Variants in PRELID2 observed in about 807,000 individuals in gnomAD.
The protein encoded by PRELID2 is PRELI domain-containing protein 2.
PRELID2 carries 25 observed loss-of-function variants against 28.4 expected under a neutral mutation model. The ratio of observed to expected loss-of-function variants is 0.88; its 90% CI spans 0.64 to 1.23. The LOEUF (loss-of-function observed/expected upper bound fraction) is 1.23. Among genes scored for constraint, PRELID2 ranks in the 50% most tolerant of loss-of-function variants. The probability of loss-of-function intolerance (pLI) is 0.00; values close to 1 mark genes in which losing one functional copy is unlikely to be tolerated. For synonymous variants in PRELID2, 76 were observed against 71.6 expected, an observed-to-expected ratio of 1.06 and a Z score of -0.31; for missense variants, 201 against 214.4, an observed-to-expected ratio of 0.94 and a Z score of 0.39.
chr5:145,507,457 G>C (rs942341719), intron 1 of PRELID2, among the ~76,000 whole-genome samples: 3 of 152,170 alleles, frequency 2.0e-5, no homozygotes, highest in African/African-American at 7.2e-5. Context: ...ACACAACTCA[G>C]TTAGTGGAGC....
the PRELID2 span, among the ~76,000 whole-genome samples, chr5:145,298,315 G>A: frequency 1.6e-4 from 25 of 151,968 alleles, no homozygotes; most frequent in Middle Eastern, 6.8e-3. Flanking sequence ...AAATAACGCC[G>A]CATATCTACA....
chr5:145,469,119 G>T (rs977322757), downstream of PRELID2, among the ~76,000 whole-genome samples: 1 of 152,102 alleles, frequency 6.6e-6, no homozygotes, highest in Non-Finnish European at 1.5e-5. Context: ...CTAAGTAGCA[G>T]CCCCTCTCTT....
the PRELID2 span, among the ~76,000 whole-genome samples, chr5:145,446,988 G>T: frequency 2.0e-5 from 3 of 151,762 alleles, no homozygotes; most frequent in African/African-American, 4.8e-5. Context: ...GGTGGAGGTT[G>T]CAGTGAGCTG....
At chr5:145,262,069 T>A in the PRELID2 span, among the ~76,000 whole-genome samples, 1 of 151,776 alleles carries the variant, frequency 6.6e-6, no homozygotes, top group Non-Finnish European at 1.5e-5. Flanking sequence ...GTCTCAGCAA[T>A]AGAATCAAAC....
At chr5:145,393,506 C>T in the PRELID2 span, among the ~76,000 whole-genome samples, 1 of 152,184 alleles carries the variant, frequency 6.6e-6, no homozygotes, top group Non-Finnish European at 1.5e-5. Context: ...GTAGGGCTGA[C>T]ACATGGTCTG....
At chr5:145,833,779 A>T (rs1251987567) in intron 1 of PRELID2, among the ~76,000 whole-genome samples, 2 of 152,190 alleles carry the variant, frequency 1.3e-5, no homozygotes, top group Non-Finnish European at 2.9e-5. Context: ...TCCGGGTTGC[A>T]TATGGAGTTC....
intron 2 of PRELID2, among the ~76,000 whole-genome samples, 186 bp downstream of exon 2, chr5:145,822,891 T>C (rs1754927167): frequency 6.6e-6 from 1 of 152,190 alleles, no homozygotes; most frequent in Admixed American, 6.5e-5. Flanking sequence ...GTGCTCTACC[T>C]GCCACACCTT....
At chr5:145,785,741 A>C (rs183748175) in intron 5 of PRELID2, among the ~76,000 whole-genome samples, 1 of 152,366 alleles carries the variant, frequency 6.6e-6, no homozygotes, top group East Asian at 1.9e-4. Context: ...AGATACGTGG[A>C]TTAGCTCAAA....
the PRELID2 span, among the ~76,000 whole-genome samples, chr5:145,415,345 A>T: frequency 2.6e-5 from 4 of 151,586 alleles, no homozygotes; most frequent in African/African-American, 9.7e-5. Flanking sequence ...GGTTAGTTAC[A>T]TATGTATACA....
At chr5:145,540,072 T>A (rs1460020921) in intron 1 of PRELID2, among the ~76,000 whole-genome samples, 1 of 151,916 alleles carries the variant, frequency 6.6e-6, no homozygotes, top group Non-Finnish European at 1.5e-5. Flanking sequence ...TATAGTGCCT[T>A]CTCTTTGATT....
chr5:145,641,249 C>T (rs769602908), intron 1 of PRELID2, among the ~76,000 whole-genome samples: 1 of 151,744 alleles, frequency 6.6e-6, no homozygotes, highest in African/African-American at 2.4e-5. Context: ...TTGTAATATA[C>T]CTAACTGGCA....
chr5:145,629,697 T>C (rs965462865), intron 1 of PRELID2, among the ~76,000 whole-genome samples: 3 of 152,152 alleles, frequency 2.0e-5, no homozygotes, highest in Non-Finnish European at 4.4e-5. Flanking sequence ...CTGCCCCTTT[T>C]TATAAATGAG....
the PRELID2 span, among the ~76,000 whole-genome samples, chr5:145,257,651 C>T: frequency 2.6e-5 from 4 of 152,080 alleles, no homozygotes; most frequent in African/African-American, 9.7e-5. Flanking sequence ...ACTGGTATAA[C>T]ATGCAAATAT....
chr5:145,472,826 C>G (rs34565985), intron 2 of PRELID2, among the ~76,000 whole-genome samples: 32,153 of 152,024 alleles, frequency 0.21, 3,986 homozygotes, highest in South Asian at 0.35. Context: ...TAGTTATAAG[C>G]CTGAATCATC....
At chr5:145,455,787 G>A in the PRELID2 span, among the ~76,000 whole-genome samples, 2 of 152,070 alleles carry the variant, frequency 1.3e-5, no homozygotes. Flanking sequence ...TTTTGGCTAG[G>A]GGAGGGAGCT....
At chr5:145,702,040 A>C (rs1755419763) in intron 1 of PRELID2, among the ~76,000 whole-genome samples, 1 of 151,958 alleles carries the variant, frequency 6.6e-6, no homozygotes. Context: ...AATGAGCAAA[A>C]CTCTGTCTCA....
the PRELID2 span, among the ~76,000 whole-genome samples, chr5:145,315,313 C>T: frequency 6.6e-6 from 1 of 152,056 alleles, no homozygotes; most frequent in African/African-American, 2.4e-5. Flanking sequence ...CGTGATCTGC[C>T]CGCCTCGGCC....
intron 1 of PRELID2, among the ~76,000 whole-genome samples, chr5:145,672,476 G>A (rs1157330156): frequency 6.9e-6 from 1 of 145,420 alleles, no homozygotes; most frequent in Non-Finnish European, 1.5e-5. Context: ...TGAAGCTAAT[G>A]CTCAGAATTC....
chr5:145,247,889 C>T, the PRELID2 span, among the ~76,000 whole-genome samples: 4 of 152,042 alleles, frequency 2.6e-5, no homozygotes, highest in African/African-American at 9.7e-5. Flanking sequence ...ATTATACTGG[C>T]CTCAGCTAAT....
Sources: allele counts gnomAD v4.1 joint callset (sites outside exome capture counted in the v4.1 genomes callset), GRCh38; gene constraint gnomAD v4.1.1; transcripts MANE v1.5; gene names NCBI Gene and HGNC (gene_info 2026-07-23, HGNC 2026-07-21).